FAM149B1: variants seen among roughly 807,000 people sequenced by gnomAD.
FAM149B1 encodes family with sequence similarity 149 member B1, also known as primary cilium assembly protein FAM149B1.
A neutral mutation model predicts 75.3 loss-of-function variants in FAM149B1; 56 were observed. The observed-to-expected ratio is 0.74, with a 90% confidence interval of 0.60 to 0.93. The LOEUF is 0.93. Among genes scored for constraint, FAM149B1 ranks in the 40% least tolerant of loss-of-function variants. The pLI is 0.00. For synonymous variants in FAM149B1, 259 were observed against 256.1 expected (o/e 1.01, Z -0.11); for missense variants, 639 against 708.4 (o/e 0.90, Z 1.11).
intron 1 of FAM149B1, among the ~76,000 whole-genome samples, chr10:73,171,630 C>CTT (rs11351703): frequency 4.4e-5 from 6 of 137,448 alleles, no homozygotes; most frequent in South Asian, 2.3e-4. Context: ...CCTTTTCTTT[C>CTT]TTTTTTTTTT....
intron 8 of FAM149B1, chr10:73,230,171 A>ATTGT (rs2133399370): frequency 2.8e-6 from 1 of 358,636 alleles, no homozygotes; most frequent in African/African-American, 2.0e-5. Context: ...AGGGCTGTTA[A>ATTGT]TTGTTTTCAT....
intron 5 of FAM149B1, among the ~76,000 whole-genome samples, chr10:73,197,828 A>G (rs1405750160): frequency 6.6e-6 from 1 of 152,124 alleles, no homozygotes; most frequent in African/African-American, 2.4e-5. Context: ...GGGGAAACAC[A>G]GGCCAGAAAA....
chr10:73,187,527 C>G (rs1003158812), intron 3 of FAM149B1, among the ~76,000 whole-genome samples: 13 of 151,300 alleles, frequency 8.6e-5, no homozygotes, highest in African/African-American at 2.9e-4. Context: ...GTCTGGAGTT[C>G]GAGACCAGCC....
At chr10:73,175,958 G>T (rs1843946273) in intron 2 of FAM149B1, among the ~76,000 whole-genome samples, 1 of 152,172 alleles carries the variant, frequency 6.6e-6, no homozygotes, top group African/African-American at 2.4e-5. Context: ...GTGCAGTGGG[G>T]TGAGGGATGG....
Position 73,234,818 on chromosome 10 carries a change from C to T in FAM149B1, c.1354C>T (p.Pro452Ser), listed in dbSNP as rs2043784930. The change falls in exon 11 of 14, where the codon CCA (proline) becomes TCA (serine). Residue 452 changes from proline to serine, a missense_variant and splice_region_variant. Coordinates refer to ENST00000242505, the MANE Select transcript of FAM149B1 (RefSeq NM_173348.2). ...VEEILRGARV[P>S]VAPDSLSSPS... ...CGTGTTTGTTGGTGGGATCTGCAGCCCAGTGGCACCCGACTCGCTCTCCTC... is the reference window on the plus strand; with the variant it reads ...CGTGTTTGTTGGTGGGATCTGCAGCTCAGTGGCACCCGACTCGCTCTCCTC... 6.4e-6 allele frequency: 10 copies of T among 1,551,394 alleles called. No homozygotes were observed. The highest frequency in any genetic ancestry group is 1.4e-5 in the African/African-American group (1 of 73,132).
At chr10:73,178,500 A>C (rs535199727) in intron 3 of FAM149B1, among the ~76,000 whole-genome samples, 23 of 152,212 alleles carry the variant, frequency 1.5e-4, no homozygotes, top group Admixed American at 4.6e-4. Flanking sequence ...AAAAAAAAAA[A>C]AACAACAACA....
At chr10:73,204,106 G>A (rs1184112710) in intron 5 of FAM149B1, among the ~76,000 whole-genome samples, 1 of 151,822 alleles carries the variant, frequency 6.6e-6, no homozygotes, top group South Asian at 2.1e-4. Context: ...AAGTGCCATG[G>A]GTTTGTTTTT....
intron 6 of FAM149B1, among the ~76,000 whole-genome samples, 197 bp downstream of exon 6, chr10:73,208,983 C>T (rs1476380993): frequency 6.6e-6 from 1 of 152,154 alleles, no homozygotes; most frequent in Non-Finnish European, 1.5e-5. Context: ...TATTTTATAA[C>T]TTCACACATC....
intron 7 of FAM149B1, among the ~76,000 whole-genome samples, chr10:73,211,060 A>G (rs763241346): frequency 1.7e-4 from 26 of 152,102 alleles, no homozygotes; most frequent in Non-Finnish European, 2.6e-4. Flanking sequence ...CCACAAGACT[A>G]CCCCCAACTT....
Position 73,243,184 on chromosome 10 carries a change from T to A in FAM149B1, c.*2165T>A, listed in dbSNP as rs1291283411. ...CACCCTCCCAAATGTCACCACCAAG[T>A]TCCTTCAGGTGAGACCTCACACAAT... On this transcript the variant is annotated 3_prime_UTR_variant, in exon 14 of 14. Coordinates refer to ENST00000242505, the MANE Select transcript of FAM149B1 (RefSeq NM_173348.2). 1.9e-6 allele frequency: 1 copy of A among 516,226 alleles called. No individual in the cohort carries two copies. Among genetic ancestry groups the A allele is most frequent in the Non-Finnish European group, 3.4e-6 (1 of 291,642 alleles). 32.0% of individuals were successfully genotyped at this position (516,226 alleles called of 1,614,324 possible).
intron 2 of FAM149B1, 68 bp downstream of exon 2, chr10:73,174,859 T>A: frequency 2.8e-6 from 3 of 1,088,900 alleles, no homozygotes; most frequent in Non-Finnish European, 4.1e-6. Context: ...TTTTTTGGCT[T>A]AAGATTGGTG....
At chr10:73,233,300 G>T (rs1340936980) in intron 10 of FAM149B1, 137 bp downstream of exon 10, 2 of 655,898 alleles carry the variant, frequency 3.0e-6, no homozygotes, top group Non-Finnish European at 5.2e-6. Flanking sequence ...TTGCCCATGG[G>T]TTTAGATCCA....
chr10:73,178,074 T>G (rs1844051017), intron 3 of FAM149B1, 99 bp downstream of exon 3: 2 of 1,186,222 alleles, frequency 1.7e-6, no homozygotes, highest in Non-Finnish European at 1.2e-6. Context: ...CTGCATTGTT[T>G]CTTTACATTT....
Position 73,243,795 on chromosome 10 carries a change from A to G in FAM149B1, c.*2776A>G, listed in dbSNP as rs749614502. On this transcript the variant is annotated 3_prime_UTR_variant, in exon 14 of 14. Transcript: ENST00000242505. ...ACAACATTCCAAAGAAAATATTAGC[A>G]GTAGGAATCAGATCATTAAAGATGT... The G allele has an allele frequency of 6.8e-7, 1 of 1,476,158 alleles. No individual in the cohort carries two copies. The highest frequency in any genetic ancestry group is 9.4e-7 in the Non-Finnish European group (1 of 1,066,388). 91.4% of individuals were successfully genotyped at this position (1,476,158 alleles called of 1,614,324 possible).
intron 2 of FAM149B1, 95 bp downstream of exon 2, chr10:73,174,886 T>A: frequency 2.5e-6 from 2 of 811,146 alleles, no homozygotes; most frequent in Non-Finnish European, 4.0e-6. Flanking sequence ...CTTGTGCTAA[T>A]GAAAACAAAG....
chr10:73,197,557 G>A (rs779157135), intron 5 of FAM149B1, among the ~76,000 whole-genome samples: 1 of 151,838 alleles, frequency 6.6e-6, no homozygotes, highest in African/African-American at 2.4e-5. Context: ...ATCACTTAAG[G>A]TCAGGAGTTT....
chr10:73,214,600 C>T (rs1482986591), intron 7 of FAM149B1, among the ~76,000 whole-genome samples: 3 of 152,186 alleles, frequency 2.0e-5, no homozygotes, highest in Non-Finnish European at 4.4e-5. Context: ...TGATGTATCA[C>T]ATTTATTGAT....
chr10:73,236,312 A>G (rs2043819985), intron 12 of FAM149B1, among the ~76,000 whole-genome samples: 1 of 152,120 alleles, frequency 6.6e-6, no homozygotes, highest in African/African-American at 2.4e-5. Context: ...CTCCCTTTGC[A>G]AGGTCTAGGG....
At chr10:73,208,200 C>T (rs1263764369) in intron 5 of FAM149B1, among the ~76,000 whole-genome samples, 1 of 152,218 alleles carries the variant, frequency 6.6e-6, no homozygotes, top group Non-Finnish European at 1.5e-5. Context: ...CTCCTGCTCC[C>T]ACTTAACATT....
Sources: gnomAD v4.1 joint callset for allele counts (sites outside exome capture counted in the v4.1 genomes callset) on GRCh38, gnomAD v4.1.1 for gene constraint, MANE v1.5 for transcripts, NCBI Gene and HGNC (gene_info 2026-07-23, HGNC 2026-07-21) for gene names.